The following SGCZ variants were observed in gnomAD, a reference collection of about 807,000 sequenced individuals.
The protein encoded by SGCZ is sarcoglycan zeta.
In SGCZ, 40 loss-of-function variants were observed where a neutral mutation model predicts 41.3. The ratio of observed to expected loss-of-function variants is 0.97; its 90% CI spans 0.75 to 1.26. The LOEUF is 1.26. Ranked by LOEUF, SGCZ falls within the 50% of genes most tolerant of loss-of-function variation. The pLI, the probability that SGCZ is intolerant of heterozygous loss-of-function variation, is 0.00. For synonymous variants in SGCZ, 206 were observed against 137.5 expected, an observed-to-expected ratio of 1.50 and a Z score of -3.49; for missense variants, 552 against 369.8, an observed-to-expected ratio of 1.49 and a Z score of -4.04.
At chr8:15,099,083 C>T (rs75125425) in intron 1 of SGCZ, among the ~76,000 whole-genome samples, 15,366 of 152,108 alleles carry the variant, frequency 0.1, 902 homozygotes, top group Middle Eastern at 0.21. Context: ...CAACAAAAAA[C>T]AGTAGTGCCT....
intron 1 of SGCZ, among the ~76,000 whole-genome samples, chr8:14,858,022 T>C (rs975924515): frequency 2.6e-5 from 4 of 152,130 alleles, no homozygotes; most frequent in African/African-American, 9.7e-5. Flanking sequence ...TTTGAGAACA[T>C]TATGGTCTGT....
At chr8:14,612,090 C>T (rs1364487117) in intron 1 of SGCZ, among the ~76,000 whole-genome samples, 28 of 152,086 alleles carry the variant, frequency 1.8e-4, no homozygotes, top group Admixed American at 1.7e-3. Flanking sequence ...GCTATGAAAA[C>T]GTATGTCTTT....
At chr8:14,756,561 A>T (rs2251475) in intron 1 of SGCZ, among the ~76,000 whole-genome samples, 152,271 of 152,302 alleles carry the variant, frequency 1, 76,120 homozygotes, top group Non-Finnish European at 1. Context: ...TCAAACTCTA[A>T]CATCATTATG....
intron 5 of SGCZ, among the ~76,000 whole-genome samples, chr8:14,135,547 A>G (rs1007684194): frequency 2.0e-5 from 3 of 152,186 alleles, no homozygotes; most frequent in Non-Finnish European, 4.4e-5. Flanking sequence ...GACTGAAGAA[A>G]ATGTAGAAAA....
chr8:14,674,782 G>A (rs1290268949), intron 1 of SGCZ, among the ~76,000 whole-genome samples: 1 of 147,576 alleles, frequency 6.8e-6, no homozygotes, highest in Non-Finnish European at 1.5e-5. Context: ...CCCCTCCCCT[G>A]CCCTCTCCTC....
intron 4 of SGCZ, among the ~76,000 whole-genome samples, chr8:14,191,603 A>C (rs1421361969): frequency 6.6e-6 from 1 of 152,178 alleles, no homozygotes; most frequent in Non-Finnish European, 1.5e-5. Flanking sequence ...TGTAAAACTC[A>C]AACACACCTG....
intron 1 of SGCZ, among the ~76,000 whole-genome samples, chr8:15,161,353 T>C (rs2117041680): frequency 6.6e-6 from 1 of 152,306 alleles, no homozygotes; most frequent in East Asian, 1.9e-4. Context: ...GAAATGCTCC[T>C]TGTCTGTCTT....
chr8:14,402,870 C>T (rs921890480), intron 2 of SGCZ, among the ~76,000 whole-genome samples: 5 of 149,626 alleles, frequency 3.3e-5, no homozygotes, highest in South Asian at 4.1e-4. Context: ...ATCTGTAAAT[C>T]ACCTTGGGCA....
intron 1 of SGCZ, among the ~76,000 whole-genome samples, chr8:15,198,020 GTAT>G (rs1287247498): frequency 1.4e-5 from 2 of 147,568 alleles, no homozygotes; most frequent in African/African-American, 4.9e-5. Context: ...GTAAATATAT[GTAT>G]TATGTTACAT....
chr8:14,945,179 G>A (rs896973677), intron 1 of SGCZ, among the ~76,000 whole-genome samples: 7 of 146,118 alleles, frequency 4.8e-5, no homozygotes, highest in Non-Finnish European at 1.1e-4. Context: ...GGGGGTGGGC[G>A]GGGACAGAGT....
At chr8:15,016,154 A>G (rs1322312710) in intron 1 of SGCZ, among the ~76,000 whole-genome samples, 6 of 152,100 alleles carry the variant, frequency 3.9e-5, no homozygotes, top group Admixed American at 2.6e-4. Context: ...AATTTCCTCC[A>G]AACATTTCTG....
chr8:14,306,017 C>T (rs2116984355), intron 3 of SGCZ, among the ~76,000 whole-genome samples: 4 of 152,262 alleles, frequency 2.6e-5, no homozygotes, highest in Admixed American at 2.0e-4. Context: ...TATTCAGCCC[C>T]AGGTCACTTT....
At chr8:14,451,330 G>T (rs1433476357) in intron 2 of SGCZ, among the ~76,000 whole-genome samples, 1 of 152,170 alleles carries the variant, frequency 6.6e-6, no homozygotes, top group African/African-American at 2.4e-5. Flanking sequence ...TAGAAAAGAT[G>T]CAGTCTGTCA....
chr8:14,414,418 C>T (rs1488634006), intron 2 of SGCZ, among the ~76,000 whole-genome samples: 4 of 151,774 alleles, frequency 2.6e-5, no homozygotes, highest in Non-Finnish European at 4.4e-5. Context: ...TCCTAGGTCC[C>T]CACCCTCAGA....
At chr8:14,644,314 A>T (rs978220157) in intron 1 of SGCZ, among the ~76,000 whole-genome samples, 1 of 151,774 alleles carries the variant, frequency 6.6e-6, no homozygotes, top group African/African-American at 2.4e-5. Context: ...GCAGATGCTG[A>T]GGTTTCCCAG....
At chr8:15,182,344 G>A (rs1321356567) in intron 1 of SGCZ, among the ~76,000 whole-genome samples, 1 of 151,960 alleles carries the variant, frequency 6.6e-6, no homozygotes, top group Non-Finnish European at 1.5e-5. Flanking sequence ...TCCTGAAAAA[G>A]CATCATTACC....
At chr8:15,108,621 G>A (rs1438462376) in intron 1 of SGCZ, among the ~76,000 whole-genome samples, 9 of 152,170 alleles carry the variant, frequency 5.9e-5, no homozygotes, top group Non-Finnish European at 1.2e-4. Flanking sequence ...TTGATCAGGA[G>A]GTTTAAATTC....
intron 7 of SGCZ, among the ~76,000 whole-genome samples, chr8:14,102,062 AT>A (rs1436688095): frequency 3.5e-5 from 5 of 144,102 alleles, no homozygotes; most frequent in African/African-American, 7.9e-5. Context: ...GCCTGCCACT[AT>A]GCTTGGCTAA....
intron 2 of SGCZ, among the ~76,000 whole-genome samples, chr8:14,535,698 T>C (rs1338441467): frequency 6.6e-6 from 1 of 151,912 alleles, no homozygotes; most frequent in Non-Finnish European, 1.5e-5. Flanking sequence ...TATTCTATCA[T>C]TCCAAGATTT....
Sources: allele counts gnomAD v4.1 joint callset (sites outside exome capture counted in the v4.1 genomes callset), GRCh38; gene constraint gnomAD v4.1.1; transcripts MANE v1.5; gene names NCBI Gene and HGNC (gene_info 2026-07-23, HGNC 2026-07-21).